The following EFHD1 variants were observed in gnomAD, a reference collection of about 807,000 sequenced individuals.
EFHD1 encodes the protein EF-hand domain-containing protein D1.
Under a neutral mutation model 17.2 loss-of-function variants are expected in EFHD1, and 10 were observed. The ratio of observed to expected loss-of-function variants is 0.58; its 90% CI spans 0.36 to 0.99. EFHD1 has a LOEUF of 0.99. Among genes scored for constraint, EFHD1 ranks in the 50% least tolerant of loss-of-function variants. EFHD1 has a pLI of 0.01. For missense variants in EFHD1, 310 were observed against 327.5 expected, an observed-to-expected ratio of 0.95 and a Z score of 0.41; for synonymous variants, 153 against 142.0, an observed-to-expected ratio of 1.08 and a Z score of -0.55.
intron 1 of EFHD1, among the ~76,000 whole-genome samples, chr2:232,660,203 T>TTTA (rs1491389223): frequency 2.6e-3 from 109 of 42,368 alleles, no homozygotes; most frequent in African/African-American, 0.018. Context: ...TATTTATTTA[T>TTTA]TTTTTTTTTG....
At chr2:232,679,339 T>C (rs1434047395) in intron 3 of EFHD1, among the ~76,000 whole-genome samples, 2 of 152,046 alleles carry the variant, frequency 1.3e-5, no homozygotes, top group African/African-American at 2.4e-5. Context: ...GGAACTAAAA[T>C]ATGTATAACC....
At chr2:232,657,073 C>T (rs557643044) in intron 1 of EFHD1, among the ~76,000 whole-genome samples, 5 of 152,334 alleles carry the variant, frequency 3.3e-5, no homozygotes, top group African/African-American at 9.6e-5. Flanking sequence ...CCTGACTGCA[C>T]CCAGCAAAAT....
At chr2:232,626,830 A>T (rs149387604) in intron 1 of EFHD1, among the ~76,000 whole-genome samples, 13 of 152,192 alleles carry the variant, frequency 8.5e-5, no homozygotes, top group Non-Finnish European at 1.3e-4. Flanking sequence ...TGAGCCTGTC[A>T]CTTCAAGGTA....
chr2:232,645,514 G>A (rs1446090413), intron 1 of EFHD1, among the ~76,000 whole-genome samples: 1 of 152,150 alleles, frequency 6.6e-6, no homozygotes, highest in African/African-American at 2.4e-5. Context: ...CTTTGCCCAC[G>A]AGGACCTAGT....
chr2:232,649,632 C>T (rs1050224417), intron 1 of EFHD1, among the ~76,000 whole-genome samples: 4 of 152,150 alleles, frequency 2.6e-5, no homozygotes, highest in African/African-American at 7.2e-5. Context: ...GCCTCCTCAC[C>T]GATAGCTTAC....
chr2:232,633,642 G>A lies in EFHD1; in HGVS notation c.-63G>A. 1 of 1,359,588 alleles carries A rather than the reference G, an allele frequency of 7.4e-7. No homozygotes were observed. The highest frequency in any genetic ancestry group is 9.4e-7 in the Non-Finnish European group (1 of 1,065,868). The allele number at this position is 1,359,588 out of a possible 1,614,324, so 84.2% of individuals were successfully genotyped here. A position where few individuals can be genotyped will look rare whatever the true frequency, so the allele number is the denominator to read the frequency against. ...GCCTCGAGCCTGCGAGGAGCGCGCC[G>A]CCCGCCAGCTCCCTGCGTCCCGTCC... On this transcript the variant is annotated 5_prime_UTR_variant, in exon 1 of 4. Transcript: ENST00000264059.
intron 1 of EFHD1, among the ~76,000 whole-genome samples, chr2:232,647,737 A>G (rs1694561345): frequency 6.6e-6 from 1 of 150,902 alleles, no homozygotes; most frequent in Admixed American, 6.7e-5. Context: ...CCCAGGTTCA[A>G]GTGATTCTCC....
At chr2:232,645,427 C>A (rs1215888444) in intron 1 of EFHD1, among the ~76,000 whole-genome samples, 1 of 152,174 alleles carries the variant, frequency 6.6e-6, no homozygotes, top group Non-Finnish European at 1.5e-5. Context: ...CAGGTTTCCC[C>A]AGCACCCCTC....
intron 1 of EFHD1, among the ~76,000 whole-genome samples, chr2:232,645,745 G>A (rs1208528823): frequency 1.3e-5 from 2 of 152,142 alleles, no homozygotes; most frequent in Admixed American, 6.6e-5. Flanking sequence ...CATGCTTCAC[G>A]ACACTCCAAA....
chr2:232,668,432 C>T (rs887927848), intron 2 of EFHD1, among the ~76,000 whole-genome samples: 1 of 152,040 alleles, frequency 6.6e-6, no homozygotes, highest in African/African-American at 2.4e-5. Context: ...TCAGAGGAAA[C>T]AGCTCTGGGG....
rs1456491251 is a variant in EFHD1, at chr2:232,682,005, G to A, written c.*286G>A. On this transcript the variant is annotated 3_prime_UTR_variant, in exon 4 of 4. Transcript: ENST00000264059. ...TCTCAGCAACCTTCACTTTGTCCTT[G>A]TCCCTTTACCATTCCCCATCAAAGA... 2.7e-6 allele frequency: 1 copy of A among 365,748 alleles called. No individual in the cohort carries two copies. Among genetic ancestry groups the A allele is most frequent in the African/African-American group, 2.1e-5 (1 of 47,958 alleles). The allele number at this position is 365,748 out of a possible 1,614,324, so 22.7% of individuals were successfully genotyped here.
At chr2:232,613,487 T>G (rs1693844589) in intron 1 of EFHD1, among the ~76,000 whole-genome samples, 1 of 151,928 alleles carries the variant, frequency 6.6e-6, no homozygotes, top group Admixed American at 6.6e-5. Context: ...ACAGCAGCTT[T>G]ACTAGTAACA....
At chr2:232,665,413 C>T (rs1694951058) in intron 2 of EFHD1, among the ~76,000 whole-genome samples, 1 of 151,844 alleles carries the variant, frequency 6.6e-6, no homozygotes, top group Non-Finnish European at 1.5e-5. Flanking sequence ...CATTTGGCAC[C>T]TGTATTATAT....
intron 2 of EFHD1, among the ~76,000 whole-genome samples, chr2:232,667,543 T>TAA (rs1318246029): frequency 1.7e-3 from 244 of 145,720 alleles, no homozygotes; most frequent in African/African-American, 5.9e-3. Context: ...ATTAATTAAT[T>TAA]TATTTATTTA....
intron 1 of EFHD1, among the ~76,000 whole-genome samples, chr2:232,642,949 AATGGATCATCTCATGG>A (rs1269634684): frequency 6.6e-6 from 1 of 152,310 alleles, no homozygotes; most frequent in African/African-American, 2.4e-5. Flanking sequence ...TGAATAAAGA[AATGGATCATCTCATGG>A]ATGAGGGCGT....
intron 3 of EFHD1, among the ~76,000 whole-genome samples, chr2:232,675,588 A>G (rs908646790): frequency 2.0e-5 from 3 of 152,172 alleles, no homozygotes; most frequent in Admixed American, 6.5e-5. Flanking sequence ...CATGATTCCG[A>G]TGCACAGCCG....
chr2:232,633,601 G>A (rs1483465433), upstream of EFHD1: 31 of 1,303,342 alleles, frequency 2.4e-5, no homozygotes, highest in Non-Finnish European at 2.8e-5. Flanking sequence ...CCGCCGCCTC[G>A]GCGGAGTGTT....
rs1374545930 is a variant in EFHD1 at position 232,672,394 on chromosome 2, A to G, written c.536A>G (p.Asp179Gly). The part of the protein sequence containing the change: ...LMALAKLSEI[D>G]VALEGVKGAK... ...GCGCTGGCAAAGCTTTCTGAGATCG[A>G]TGTGGCCCTGGAGGGTGTCAAAGGT... Residue 179 changes from aspartate (D) to glycine (G), a missense_variant, in exon 3 of 4, where the codon GAT (aspartate) becomes GGT (glycine). Physicochemically the swap from Asp to Gly is moderately conservative, Grantham distance 94 (BLOSUM62 -1). Coordinates refer to ENST00000264059, the MANE Select transcript of EFHD1 (RefSeq NM_025202.4). 1 of 1,613,928 alleles carries G rather than the reference A, an allele frequency of 6.2e-7. No homozygotes were observed. The highest frequency in any genetic ancestry group is 8.5e-7 in the Non-Finnish European group (1 of 1,179,912).
At chr2:232,636,454 A>G (rs2106194863) in intron 1 of EFHD1, among the ~76,000 whole-genome samples, 2 of 152,350 alleles carry the variant, frequency 1.3e-5, no homozygotes, top group East Asian at 3.9e-4. Context: ...ATTTAGCTCC[A>G]TGTTTCAGCC....
Sources: gnomAD v4.1 joint callset for allele counts (sites outside exome capture counted in the v4.1 genomes callset) on GRCh38, gnomAD v4.1.1 for gene constraint, MANE v1.5 for transcripts, NCBI Gene and HGNC (gene_info 2026-07-23, HGNC 2026-07-21) for gene names.